The following PRP4K variants were observed in gnomAD, a reference collection of about 807,000 sequenced individuals.
PRP4K encodes the protein serine/threonine-protein kinase PRP4 homolog.
chr6:4,060,602 C>G, the PRP4K span: 1 of 1,612,064 alleles, frequency 6.2e-7, no homozygotes, highest in Non-Finnish European at 8.5e-7. This position sits in a 1 kb window ranked among gnomAD's most constrained non-coding sequence, Gnocchi z 4.7. Flanking sequence ...CGCCTTCATC[C>G]AGGAAAAAAT....
chr6:4,060,392 C>T, the PRP4K span: 8 of 1,600,922 alleles, frequency 5.0e-6, no homozygotes, highest in Non-Finnish European at 6.8e-6. The surrounding 1 kb of genome is among the most constrained non-coding windows in gnomAD (Gnocchi z 4.7). Flanking sequence ...TAGAGATACG[C>T]ATTTTAAAAA....
At chr6:4,046,377 T>C in the PRP4K span, among the ~76,000 whole-genome samples, 1 of 152,188 alleles carries the variant, frequency 6.6e-6, no homozygotes, top group African/African-American at 2.4e-5. Flanking sequence ...TTTCCCTTAA[T>C]GTAAGTGATA....
the PRP4K span, chr6:4,047,130 A>C: frequency 5.9e-6 from 9 of 1,522,918 alleles, no homozygotes; most frequent in Non-Finnish European, 8.2e-6. Flanking sequence ...TTGTGTTTTA[A>C]ATCATCTCTT....
At chr6:4,059,694 G>A in the PRP4K span, among the ~76,000 whole-genome samples, 3 of 151,824 alleles carry the variant, frequency 2.0e-5, no homozygotes, top group Admixed American at 6.6e-5. Context: ...CACCCAGGGT[G>A]AAGTGCAATG....
At chr6:4,023,360 T>G in the PRP4K span, among the ~76,000 whole-genome samples, 1 of 152,110 alleles carries the variant, frequency 6.6e-6, no homozygotes, top group Non-Finnish European at 1.5e-5. Context: ...TTTTCCTTAT[T>G]TTAGAGATGA....
chr6:4,040,694 C>A, the PRP4K span: 5 of 1,391,540 alleles, frequency 3.6e-6, no homozygotes, highest in South Asian at 6.6e-5. Context: ...TTCTATATAT[C>A]CCCTGTGCCC....
the PRP4K span, chr6:4,052,951 G>A: frequency 1.5e-6 from 2 of 1,293,612 alleles, no homozygotes; most frequent in Non-Finnish European, 2.1e-6. Context: ...TTATTACTAT[G>A]AGAAACGACA....
chr6:4,053,062 GAAGAAA>G, the PRP4K span, among the ~76,000 whole-genome samples: 2 of 152,182 alleles, frequency 1.3e-5, no homozygotes, highest in Non-Finnish European at 2.9e-5. Context: ...TGACAAGTAT[GAAGAAA>G]AAGGAAATGT....
chr6:4,049,195 C>A, the PRP4K span: 1 of 1,224,378 alleles, frequency 8.2e-7, no homozygotes, highest in Non-Finnish European at 1.2e-6. Flanking sequence ...TATTGGAGAA[C>A]TCTGAAAAAT....
the PRP4K span, among the ~76,000 whole-genome samples, chr6:4,038,665 G>T: frequency 6.6e-6 from 1 of 152,076 alleles, no homozygotes; most frequent in African/African-American, 2.4e-5. Flanking sequence ...TTGTGATCCT[G>T]TATGTATTCA....
the PRP4K span, chr6:4,048,971 G>A: frequency 7.2e-3 from 10,217 of 1,423,244 alleles, 62 homozygotes; most frequent in Middle Eastern, 0.012. Flanking sequence ...TGCGTTAAAT[G>A]TCTGACAAGT....
the PRP4K span, among the ~76,000 whole-genome samples, chr6:4,023,393 T>A: frequency 6.6e-6 from 1 of 152,166 alleles, no homozygotes. Context: ...ACAGAGAAAT[T>A]AAGTAACTTG....
the PRP4K span, among the ~76,000 whole-genome samples, chr6:4,059,889 C>A: frequency 6.6e-6 from 1 of 152,212 alleles, no homozygotes; most frequent in African/African-American, 2.4e-5. Flanking sequence ...AAGTGATCCA[C>A]CTACCTTGGG....
the PRP4K span, among the ~76,000 whole-genome samples, chr6:4,042,295 T>C: frequency 6.6e-6 from 1 of 152,218 alleles, no homozygotes; most frequent in Non-Finnish European, 1.5e-5. Context: ...AGAAGAAAAC[T>C]GAGACAAAGG....
At chr6:4,048,733 C>CTT in the PRP4K span, among the ~76,000 whole-genome samples, 2 of 149,472 alleles carry the variant, frequency 1.3e-5, no homozygotes, top group South Asian at 2.1e-4. Context: ...ACACCTGGCG[C>CTT]TTTTTTTTTG....
At chr6:4,032,435 G>T in the PRP4K span, 1 of 1,614,052 alleles carries the variant, frequency 6.2e-7, no homozygotes, top group East Asian at 2.2e-5. Context: ...AAGACAGAAG[G>T]TCACGGTCCA....
the PRP4K span, chr6:4,058,823 T>G: frequency 6.3e-7 from 1 of 1,580,492 alleles, no homozygotes; most frequent in Non-Finnish European, 8.7e-7. Flanking sequence ...GGGTAAGTGT[T>G]TTAAATGCAG....
the PRP4K span, among the ~76,000 whole-genome samples, chr6:4,059,850 G>A: frequency 2.0e-5 from 3 of 152,134 alleles, no homozygotes; most frequent in African/African-American, 7.2e-5. Flanking sequence ...TTGCAGTGTT[G>A]CCCAGGCTGG....
At chr6:4,041,945 G>T in the PRP4K span, among the ~76,000 whole-genome samples, 2 of 152,170 alleles carry the variant, frequency 1.3e-5, no homozygotes, top group African/African-American at 4.8e-5. Context: ...CACTGGGAAG[G>T]ATCATAAAGA....
Sources: allele counts gnomAD v4.1 joint callset (sites outside exome capture counted in the v4.1 genomes callset), GRCh38; gene constraint gnomAD v4.1.1; non-coding constraint Gnocchi (gnomAD v3.1); transcripts MANE v1.5; gene names NCBI Gene and HGNC (gene_info 2026-07-23, HGNC 2026-07-21).